The following LSM4 variants were observed in gnomAD, a reference collection of about 807,000 sequenced individuals.
LSM4 encodes LSM4 homolog, U6 small nuclear RNA and mRNA degradation associated, also known as U6 snRNA-associated Sm-like protein LSm4.
A neutral mutation model predicts 22.3 loss-of-function variants in LSM4; 15 were observed. The ratio of observed to expected loss-of-function variants is 0.67; its 90% CI spans 0.45 to 1.03. The LOEUF (loss-of-function observed/expected upper bound fraction) is 1.03, where lower values mean the gene tolerates loss of function less well. Among genes scored for constraint, LSM4 ranks in the 50% least tolerant of loss-of-function variants. The pLI, the probability that LSM4 is intolerant of heterozygous loss-of-function variation, is 0.00. For synonymous variants in LSM4, 90 were observed against 79.8 expected, an observed-to-expected ratio of 1.13 and a Z score of -0.68; for missense variants, 127 against 198.0, an observed-to-expected ratio of 0.64 and a Z score of 2.15.
At position 18,309,701 on chromosome 19, in the gene LSM4, C is replaced by T. The variant is rs771059611; in HGVS notation, c.305G>A (p.Arg102His). The change falls in exon 4 of 5, where the codon CGC becomes CAC. Residue 102 changes from arginine to histidine, a missense_variant. Physicochemically the swap from Arg to His is conservative, Grantham distance 29. Coordinates refer to ENST00000593829, the MANE Select transcript of LSM4 (RefSeq NM_012321.5). ...GLQQQKQQKG[R>H]GMGGAGRGVF... Reference sequence around the variant, plus strand: ...ACCTCGGCCAGCGCCGCCCATGCCGCGGCCTTTCTGCTGCTTCTGCTGCTG... The same window carrying T: ...ACCTCGGCCAGCGCCGCCCATGCCGTGGCCTTTCTGCTGCTTCTGCTGCTG... The T allele has an allele frequency of 4.4e-6, 7 of 1,609,114 alleles. No homozygotes were observed. The highest frequency in any genetic ancestry group is 2.2e-5 in the East Asian group (1 of 44,782).
intron 3 of LSM4, among the ~76,000 whole-genome samples, chr19:18,311,342 G>A (rs1384679588): frequency 6.6e-6 from 1 of 152,134 alleles, no homozygotes; most frequent in Non-Finnish European, 1.5e-5. Flanking sequence ...GACGATGTGA[G>A]TTCCCATCGC....
At chr19:18,316,265 GAAAAGCCT>G in intron 1 of LSM4, 200 bp from the exon 2 acceptor site, 1 of 478,444 alleles carries the variant, frequency 2.1e-6, no homozygotes, top group South Asian at 2.6e-5. Context: ...AGATTAGGAA[GAAAAGCCT>G]CACACACCCT....
intron 4 of LSM4, 189 bp downstream of exon 4, chr19:18,309,489 A>AG: frequency 3.4e-6 from 2 of 593,332 alleles, no homozygotes; most frequent in Non-Finnish European, 2.9e-6. Context: ...GCGCAGTGAG[A>AG]GGAGGGCTGA....
chr19:18,310,078 T>C (rs1970282400), intron 3 of LSM4: 1 of 558,178 alleles, frequency 1.8e-6, no homozygotes, highest in Non-Finnish European at 3.1e-6. Flanking sequence ...CAAGGGTGGG[T>C]GTGGTAGGCG....
At chr19:18,308,549 G>A (rs1051467578) in intron 4 of LSM4, among the ~76,000 whole-genome samples, 5 of 152,250 alleles carry the variant, frequency 3.3e-5, no homozygotes, top group Non-Finnish European at 7.3e-5. Flanking sequence ...AGAGGCCAGC[G>A]CTGCAGGCAG....
chr19:18,316,539 G>A (rs1303870169), intron 1 of LSM4, among the ~76,000 whole-genome samples: 1 of 151,916 alleles, frequency 6.6e-6, no homozygotes, highest in African/African-American at 2.4e-5. Flanking sequence ...ATAAAGGCGG[G>A]GTTTCACCAT....
At position 18,308,413 on chromosome 19, in the gene LSM4, C is replaced by T. The variant is rs763383280; in HGVS notation, c.329-858G>A. Among the ~76,000 whole-genome samples the T allele has an allele frequency of 1.7e-4, 26 of 152,234 alleles. 1 individual carries two copies. Among genetic ancestry groups the T allele is most frequent in the Non-Finnish European group, 3.1e-4 (21 of 68,034 alleles). ...GCTCTGTAAGCCCCGTTTAGGGAGC[C>T]GTTTCAGAGAACTTTCTAGCTGGAC... On this transcript the variant is annotated intron_variant, in intron 4 of 4. Transcript: ENST00000593829.
intron 3 of LSM4, chr19:18,310,279 T>C (rs1490026366): frequency 4.8e-6 from 1 of 209,602 alleles, no homozygotes; most frequent in Non-Finnish European, 9.5e-6. Context: ...GAAGCCCAGC[T>C]ACTCCTCCTC....
At chr19:18,320,956 C>A (rs1444644646) in intron 1 of LSM4, among the ~76,000 whole-genome samples, 2 of 152,186 alleles carry the variant, frequency 1.3e-5, no homozygotes, top group African/African-American at 4.8e-5. Flanking sequence ...AGGTCTAGAT[C>A]CACGAGGACC....
chr19:18,322,917 G>A (rs961564358), intron 1 of LSM4, 101 bp downstream of exon 1: 14 of 1,517,512 alleles, frequency 9.2e-6, no homozygotes, highest in Non-Finnish European at 1.2e-5. Flanking sequence ...CGGACCTTAC[G>A]TTCGCCCCGC....
intron 2 of LSM4, 25 bp downstream of exon 2, chr19:18,315,999 C>T (rs1410216290): frequency 6.2e-7 from 1 of 1,610,986 alleles, no homozygotes; most frequent in African/African-American, 1.3e-5. Context: ...CTCAAACAGG[C>T]TTTCCCAGAC....
rs2148138006 is a variant in LSM4 at position 18,309,801 on chromosome 19, G to C, written c.205C>G (p.Leu69Val). 1 of 1,613,938 alleles carries C rather than the reference G, an allele frequency of 6.2e-7. No homozygotes were observed. The highest frequency in any genetic ancestry group is 8.5e-7 in the Non-Finnish European group (1 of 1,179,928). The change falls in exon 4 of 5, where the codon CTG becomes GTG. Residue 69 changes from leucine (L) to valine (V), a missense_variant. Transcript: ENST00000593829. ...TCGATGATCTCGTCGGGGATGCGCAGGTACTTGATGGTGCTGCCGCGGATG... is the reference window on the plus strand; with the variant it reads ...TCGATGATCTCGTCGGGGATGCGCACGTACTTGATGGTGCTGCCGCGGATG... ...CYIRGSTIKYLRIPDEIIDMV... is the reference protein window; with the variant it reads ...CYIRGSTIKYVRIPDEIIDMV...
At chr19:18,311,099 G>C (rs2148138970) in intron 3 of LSM4, among the ~76,000 whole-genome samples, 1 of 152,244 alleles carries the variant, frequency 6.6e-6, no homozygotes, top group East Asian at 1.9e-4. Flanking sequence ...TCGAGGGCTC[G>C]TGGGGCGGAC....
At position 18,316,079 on chromosome 19, in the gene LSM4, A is replaced by G. The variant is rs751797136; in HGVS notation, c.4-14T>C. 1 of 1,613,440 alleles carries G rather than the reference A, an allele frequency of 6.2e-7. No homozygotes were observed. The highest frequency in any genetic ancestry group is 1.1e-5 in the South Asian group (1 of 91,058). ...TGACAAGGGAAGCTGAAAGGCAAAT[A>G]AAGCCACATGATTTGTCTGTTTGAC... is the stretch of plus-strand genomic sequence containing the variant. On this transcript the variant is annotated splice_polypyrimidine_tract_variant and intron_variant, in intron 1 of 4. Transcript: ENST00000593829.
chr19:18,320,762 C>T (rs1375064025), intron 1 of LSM4, among the ~76,000 whole-genome samples: 2 of 152,076 alleles, frequency 1.3e-5, no homozygotes, highest in Non-Finnish European at 2.9e-5. Context: ...CACCACTGCA[C>T]TTCAGCCTGG....
chr19:18,311,304 G>C (rs1970295100), intron 3 of LSM4, among the ~76,000 whole-genome samples: 1 of 152,132 alleles, frequency 6.6e-6, no homozygotes, highest in South Asian at 2.1e-4. Context: ...GCCTGCCTCT[G>C]AGGGAGGGAG....
At chr19:18,308,866 G>C (rs1302487665) in intron 4 of LSM4, among the ~76,000 whole-genome samples, 1 of 152,160 alleles carries the variant, frequency 6.6e-6, no homozygotes, top group Admixed American at 6.5e-5. Flanking sequence ...GGGTTACTGC[G>C]AGGCTGCTAT....
chr19:18,317,845 T>A lies in LSM4; in HGVS notation c.4-1780A>T, dbSNP rs1048669059. On this transcript the variant is annotated intron_variant, in intron 1 of 4. Coordinates refer to ENST00000593829, the MANE Select transcript of LSM4 (RefSeq NM_012321.5). ...CACGCCTGGTTTCAAGATGTTTTTT[T>A]CCATCATTACTGAATTTCTTTATTA... Among the ~76,000 whole-genome samples, 3 of 152,214 alleles carry A rather than the reference T, an allele frequency of 2.0e-5. No individual in the cohort carries two copies. The East Asian group carries it at 5.8e-4, about 29-fold the overall frequency.
Position 18,319,491 on chromosome 19 carries a change from G to A in LSM4, c.4-3426C>T, listed in dbSNP as rs763539520. Reference sequence around the variant, plus strand: ...GCAGAAGAATCGCTTGAACCCAGGAGGCAGAGGCTGCAGTGAGCTGAGATT... The same window carrying A: ...GCAGAAGAATCGCTTGAACCCAGGAAGCAGAGGCTGCAGTGAGCTGAGATT... On this transcript the variant is annotated intron_variant, in intron 1 of 4. Coordinates refer to ENST00000593829, the MANE Select transcript of LSM4 (RefSeq NM_012321.5). 5.9e-5 allele frequency among the ~76,000 whole-genome samples: 9 copies of A among 152,230 alleles called. No homozygotes were observed. The East Asian group carries it at 7.7e-4, about 13-fold the overall frequency.
Sources: gnomAD v4.1 joint callset for allele counts (sites outside exome capture counted in the v4.1 genomes callset) on GRCh38, gnomAD v4.1.1 for gene constraint, MANE v1.5 for transcripts, NCBI Gene and HGNC (gene_info 2026-07-23, HGNC 2026-07-21) for gene names.